The following ADAMTS19 variants were observed in gnomAD, a reference collection of about 807,000 sequenced individuals.
ADAMTS19 encodes A disintegrin and metalloproteinase with thrombospondin motifs 19.
A neutral mutation model predicts 153.3 loss-of-function variants in ADAMTS19; 93 were observed. The observed-to-expected ratio is 0.61, with a 90% CI of 0.51 to 0.72. The LOEUF is 0.72. Ranked by LOEUF, ADAMTS19 falls within the 30% of genes least tolerant of loss-of-function variation. The pLI is 0.00. For synonymous variants in ADAMTS19, 600 were observed against 556.6 expected, an observed-to-expected ratio of 1.08 and a Z score of -1.10; for missense variants, 1,482 against 1,552.1, an observed-to-expected ratio of 0.95 and a Z score of 0.76.
intron 16 of ADAMTS19, among the ~76,000 whole-genome samples, chr5:129,678,580 T>C (rs1754654550): frequency 6.6e-6 from 1 of 152,056 alleles, no homozygotes; most frequent in African/African-American, 2.4e-5. Context: ...GTAAGAGAAA[T>C]TTACTTTCAG....
intron 21 of ADAMTS19, among the ~76,000 whole-genome samples, chr5:129,723,522 C>G (rs1219237096): frequency 6.6e-6 from 1 of 152,174 alleles, no homozygotes; most frequent in Non-Finnish European, 1.5e-5. Context: ...TTTCTCTAAT[C>G]ATTTTGAGAG....
At chr5:129,533,782 C>T (rs1336608850) in intron 6 of ADAMTS19, among the ~76,000 whole-genome samples, 1 of 151,926 alleles carries the variant, frequency 6.6e-6, no homozygotes, top group Non-Finnish European at 1.5e-5. Flanking sequence ...AACAGAGATT[C>T]TGGTATGTTG....
intron 15 of ADAMTS19, among the ~76,000 whole-genome samples, chr5:129,662,093 TA>T (rs1753839758): frequency 6.6e-6 from 1 of 152,216 alleles, no homozygotes. Context: ...TTGGAGACTA[TA>T]ATTATGGTTA....
intron 11 of ADAMTS19, among the ~76,000 whole-genome samples, 154 bp from the exon 12 acceptor site, chr5:129,647,611 A>T (rs1038628380): frequency 6.6e-6 from 1 of 152,200 alleles, no homozygotes; most frequent in African/African-American, 2.4e-5. Context: ...TATGACAAAA[A>T]ACAAGTGCCA....
chr5:129,648,603 T>C (rs546121996), intron 12 of ADAMTS19, among the ~76,000 whole-genome samples, 195 bp from the exon 13 acceptor site: 18 of 152,220 alleles, frequency 1.2e-4, no homozygotes, highest in Middle Eastern at 3.4e-3. Context: ...GGTATATTGA[T>C]CAAGGATTAG....
chr5:129,702,703 A>G (rs1755934194), intron 20 of ADAMTS19, among the ~76,000 whole-genome samples: 1 of 151,904 alleles, frequency 6.6e-6, no homozygotes. Context: ...TCTGGAGAGA[A>G]GAATCACATG....
At position 129,625,508 on chromosome 5, in the gene ADAMTS19, T is replaced by G. The variant is rs542947940; in HGVS notation, c.1770+3160T>G. Among the ~76,000 whole-genome samples the G allele has an allele frequency of 1.1e-3, 164 of 152,234 alleles. 1 individual carries two copies. The highest frequency in any genetic ancestry group is 3.8e-3 in the African/African-American group (156 of 41,578). ...TTCTCTCCAGCACCTGTTGTTTCCTTACTTTTTAATGATTGCCATTCTAAC... is the reference window on the plus strand; with the variant it reads ...TTCTCTCCAGCACCTGTTGTTTCCTGACTTTTTAATGATTGCCATTCTAAC... On this transcript the variant is annotated intron_variant, in intron 10 of 22. Transcript: ENST00000274487.
At chr5:129,696,783 A>G (rs1282109013) in intron 19 of ADAMTS19, among the ~76,000 whole-genome samples, 1 of 152,146 alleles carries the variant, frequency 6.6e-6, no homozygotes, top group African/African-American at 2.4e-5. Context: ...TGAGGGTTAA[A>G]TTATTATCTA....
chr5:129,655,674 T>C (rs549842632), intron 14 of ADAMTS19, among the ~76,000 whole-genome samples: 3 of 152,016 alleles, frequency 2.0e-5, no homozygotes, highest in Admixed American at 6.6e-5. Context: ...ATGCCAAAAA[T>C]TGAAAACAAT....
intron 6 of ADAMTS19, among the ~76,000 whole-genome samples, chr5:129,533,166 TATA>T (rs1752275593): frequency 6.6e-6 from 1 of 152,012 alleles, no homozygotes; most frequent in Non-Finnish European, 1.5e-5. Flanking sequence ...TGATTCCACT[TATA>T]TAGAGTTTGA....
chr5:129,461,511 T>C lies in ADAMTS19; in HGVS notation c.501T>C (p.Asp167=), dbSNP rs1009878629. The C allele has an allele frequency of 2.6e-6, 4 of 1,512,168 alleles. No individual in the cohort carries two copies. In the African/African-American group the frequency reaches 4.3e-5, roughly 16 times the overall value. 93.7% of individuals were successfully genotyped at this position (1,512,168 alleles called of 1,614,324 possible). The change falls in exon 2 of 23, where the codon GAT becomes GAC. Residue 167 remains aspartate (D), a synonymous_variant. Coordinates refer to ENST00000274487, the MANE Select transcript of ADAMTS19 (RefSeq NM_133638.6). The surrounding 1 kb of genome is among the most constrained non-coding windows in gnomAD (Gnocchi z 4.6). The part of the protein sequence containing the change: ...SPPPAQHAEP[D]GDEVLLRIPA... ...CCCCGGCCCAGCATGCCGAGCCGGATGGCGACGAAGTGTTGCTGCGGATCC... is the reference window on the plus strand; with the variant it reads ...CCCCGGCCCAGCATGCCGAGCCGGACGGCGACGAAGTGTTGCTGCGGATCC...
intron 6 of ADAMTS19, among the ~76,000 whole-genome samples, chr5:129,543,647 C>T (rs1561561925): frequency 6.6e-6 from 1 of 151,966 alleles, no homozygotes; most frequent in Non-Finnish European, 1.5e-5. Flanking sequence ...GAAACATGGC[C>T]ACTAAAACAA....
chr5:129,630,413 CTT>C (rs1752235695), intron 10 of ADAMTS19, among the ~76,000 whole-genome samples: 1 of 152,044 alleles, frequency 6.6e-6, no homozygotes, highest in Admixed American at 6.6e-5. Context: ...AAAGGAGAGA[CTT>C]AACTCCTCAG....
chr5:129,495,242 C>T (rs895490320), intron 2 of ADAMTS19, among the ~76,000 whole-genome samples: 3 of 151,976 alleles, frequency 2.0e-5, no homozygotes, highest in Non-Finnish European at 2.9e-5. Flanking sequence ...GCACCAGGCT[C>T]CTAAAGGCAT....
At chr5:129,512,439 A>G (rs1391535694) in intron 3 of ADAMTS19, among the ~76,000 whole-genome samples, 1 of 152,134 alleles carries the variant, frequency 6.6e-6, no homozygotes, top group East Asian at 1.9e-4. Flanking sequence ...TGGATACAAC[A>G]TGGTCTAAAG....
At chr5:129,585,428 C>A (rs1346286075) in intron 7 of ADAMTS19, among the ~76,000 whole-genome samples, 1 of 151,984 alleles carries the variant, frequency 6.6e-6, no homozygotes, top group Admixed American at 6.6e-5. Context: ...TTAGGCTACA[C>A]ATTTTTAATG....
intron 3 of ADAMTS19, 96 bp from the exon 4 acceptor site, chr5:129,526,188 G>A (rs780568225): frequency 4.7e-5 from 48 of 1,027,130 alleles, no homozygotes; most frequent in South Asian, 9.1e-5. Context: ...TATGTGTGTC[G>A]GGAACTTATT....
At chr5:129,675,952 C>G (rs30653) in intron 16 of ADAMTS19, among the ~76,000 whole-genome samples, 110,391 of 152,000 alleles carry the variant, frequency 0.73, 40,673 homozygotes, top group Non-Finnish European at 0.8. Context: ...TGCTTGAACC[C>G]ATGAGGCAGA....
chr5:129,494,079 G>T (rs752509990), intron 2 of ADAMTS19, among the ~76,000 whole-genome samples: 13 of 151,888 alleles, frequency 8.6e-5, no homozygotes. Context: ...GATGAATTTT[G>T]AAGTTGGATA....
Sources: gnomAD v4.1 joint callset for allele counts (sites outside exome capture counted in the v4.1 genomes callset) on GRCh38, gnomAD v4.1.1 for gene constraint, Gnocchi (gnomAD v3.1) non-coding constraint, MANE v1.5 for transcripts, NCBI Gene and HGNC (gene_info 2026-07-23, HGNC 2026-07-21) for gene names.